CNTNAP2: variants seen among roughly 807,000 people sequenced by gnomAD.
The protein encoded by CNTNAP2 is contactin-associated protein-like 2.
CNTNAP2 carries 98 observed loss-of-function variants against 155.2 expected under a neutral mutation model. The ratio of observed to expected loss-of-function variants is 0.63; its 90% CI spans 0.54 to 0.75. The LOEUF (loss-of-function observed/expected upper bound fraction) is 0.75, where lower values mean the gene tolerates loss of function less well. Ranked by LOEUF, CNTNAP2 falls within the 30% of genes least tolerant of loss-of-function variation. The pLI, the probability that CNTNAP2 is intolerant of heterozygous loss-of-function variation, is 0.00. For synonymous variants in CNTNAP2, 651 were observed against 631.2 expected, an observed-to-expected ratio of 1.03 and a Z score of -0.47; for missense variants, 1,727 against 1,688.1, an observed-to-expected ratio of 1.02 and a Z score of -0.40.
At chr7:146,261,940 T>G (rs958259154) in intron 1 of CNTNAP2, among the ~76,000 whole-genome samples, 4 of 152,164 alleles carry the variant, frequency 2.6e-5, no homozygotes, top group African/African-American at 7.2e-5. Flanking sequence ...AACAAGCACC[T>G]CTGAAAAATT....
chr7:146,793,074 A>G (rs1389036110), intron 2 of CNTNAP2, among the ~76,000 whole-genome samples: 1 of 152,216 alleles, frequency 6.6e-6, no homozygotes, highest in East Asian at 1.9e-4. Context: ...TATGTAATCA[A>G]TATAAAAATT....
chr7:146,867,586 G>GGAAT (rs1054456706), intron 3 of CNTNAP2, among the ~76,000 whole-genome samples: 19 of 152,150 alleles, frequency 1.2e-4, no homozygotes, highest in Admixed American at 9.2e-4. Context: ...AGCTCTTTGA[G>GGAAT]GAATCATCAT....
chr7:146,174,613 G>A (rs772794485), intron 1 of CNTNAP2, among the ~76,000 whole-genome samples: 8 of 151,918 alleles, frequency 5.3e-5, no homozygotes, highest in East Asian at 3.9e-4. Context: ...TGAGGCTGGC[G>A]GATCACCTGA....
chr7:148,375,818 C>T (rs1798974850), intron 21 of CNTNAP2, among the ~76,000 whole-genome samples: 1 of 11,384 alleles, frequency 8.8e-5, no homozygotes, highest in African/African-American at 1.4e-4. Flanking sequence ...GATGGTGAAA[C>T]CCCCTCTCTA....
intron 1 of CNTNAP2, among the ~76,000 whole-genome samples, chr7:146,643,635 C>T (rs576503248): frequency 2.8e-4 from 42 of 152,182 alleles, no homozygotes; most frequent in East Asian, 1.2e-3. Context: ...GTTGACTTGG[C>T]GATGCAGGCT....
At chr7:147,075,136 G>C (rs1799970606) in intron 4 of CNTNAP2, among the ~76,000 whole-genome samples, 1 of 152,120 alleles carries the variant, frequency 6.6e-6, no homozygotes, top group Non-Finnish European at 1.5e-5. Flanking sequence ...ATAGTGAAAA[G>C]ATTGATACAT....
intron 1 of CNTNAP2, among the ~76,000 whole-genome samples, chr7:146,644,032 A>G (rs972770474): frequency 3.9e-5 from 6 of 152,202 alleles, no homozygotes; most frequent in African/African-American, 9.6e-5. Context: ...ACTTTGCTGA[A>G]GTTGCTTATC....
intron 1 of CNTNAP2, among the ~76,000 whole-genome samples, chr7:146,156,943 A>C (rs1798135980): frequency 6.6e-6 from 1 of 152,174 alleles, no homozygotes; most frequent in Admixed American, 6.6e-5. Flanking sequence ...TGAACTTACT[A>C]AGAGTTCATT....
chr7:146,235,001 G>A (rs1799447987), intron 1 of CNTNAP2, among the ~76,000 whole-genome samples: 2 of 152,100 alleles, frequency 1.3e-5, no homozygotes, highest in African/African-American at 4.8e-5. Context: ...AAACACCTGG[G>A]ACAAAGTATG....
chr7:147,030,233 A>G (rs565432253), intron 3 of CNTNAP2, among the ~76,000 whole-genome samples: 32 of 152,176 alleles, frequency 2.1e-4, no homozygotes, highest in Non-Finnish European at 4.4e-4. Context: ...ATTTCCTATG[A>G]AATTTGTTGC....
At chr7:146,968,453 G>A (rs1248935234) in intron 3 of CNTNAP2, among the ~76,000 whole-genome samples, 2 of 151,696 alleles carry the variant, frequency 1.3e-5, no homozygotes, top group Non-Finnish European at 2.9e-5. Context: ...ACTCTTTTTG[G>A]TTGGTAAGCT....
rs1317841647 is a variant in CNTNAP2 at position 146,809,503 on chromosome 7, A to C, written c.209-30208A>C. On this transcript the variant is annotated intron_variant, in intron 2 of 23. Coordinates refer to ENST00000361727, the MANE Select transcript of CNTNAP2 (RefSeq NM_014141.6). ...CAGCCTCCAGGGTAGCTGGGATTAC[A>C]GGCACCCACCACCACATCTGGCTGA... Among the ~76,000 whole-genome samples the C allele has an allele frequency of 3.9e-5, 6 of 152,172 alleles. No homozygotes were observed. In the East Asian group the frequency reaches 1.2e-3, roughly 29 times the overall value.
At chr7:148,140,417 T>G (rs1203147580) in intron 16 of CNTNAP2, among the ~76,000 whole-genome samples, 2 of 149,088 alleles carry the variant, frequency 1.3e-5, no homozygotes, top group Non-Finnish European at 3.0e-5. Context: ...TCTTTTTTCT[T>G]TTTCTTTTTT....
chr7:147,480,767 G>A (rs1189700379), intron 10 of CNTNAP2, among the ~76,000 whole-genome samples: 2 of 152,038 alleles, frequency 1.3e-5, no homozygotes, highest in African/African-American at 4.8e-5. Flanking sequence ...ATTCTCCTTT[G>A]AGCCCCCGCT....
chr7:146,438,157 G>A (rs892672881), intron 1 of CNTNAP2, among the ~76,000 whole-genome samples: 1 of 151,358 alleles, frequency 6.6e-6, no homozygotes, highest in Non-Finnish European at 1.5e-5. Flanking sequence ...TTACTAGCAA[G>A]CCCGGAATGC....
intron 8 of CNTNAP2, among the ~76,000 whole-genome samples, chr7:147,173,532 C>A (rs1212402475): frequency 6.6e-6 from 1 of 152,088 alleles, no homozygotes; most frequent in African/African-American, 2.4e-5. Context: ...GATGTTGCTA[C>A]CAGAAAGAGA....
rs146558901 is a variant in CNTNAP2, at chr7:147,445,531, C to T, written c.1671-40404C>T. ...GTTGTTGTGGACAAAAATAAATGTACTTAGCACTGTTTTGAGGATAAAGGT... is the reference window on the plus strand; with the variant it reads ...GTTGTTGTGGACAAAAATAAATGTATTTAGCACTGTTTTGAGGATAAAGGT... On this transcript the variant is annotated intron_variant, in intron 10 of 23. Transcript: ENST00000361727. 3.2e-4 allele frequency among the ~76,000 whole-genome samples: 49 copies of T among 152,282 alleles called. No homozygotes were observed. In the East Asian group the frequency reaches 8.5e-3, roughly 26 times the overall value.
chr7:148,272,874 G>A (rs937880527), intron 21 of CNTNAP2, among the ~76,000 whole-genome samples: 1 of 152,210 alleles, frequency 6.6e-6, no homozygotes, highest in African/African-American at 2.4e-5. Context: ...GGAAATGTCA[G>A]AAGACCTGGG....
intron 23 of CNTNAP2, among the ~76,000 whole-genome samples, chr7:148,414,304 T>G (rs965249310): frequency 6.6e-6 from 1 of 152,106 alleles, no homozygotes; most frequent in African/African-American, 2.4e-5. Flanking sequence ...GGTCTTAAAC[T>G]CCTGACCTCA....
Sources: allele counts gnomAD v4.1 joint callset (sites outside exome capture counted in the v4.1 genomes callset), GRCh38; gene constraint gnomAD v4.1.1; transcripts MANE v1.5; gene names NCBI Gene and HGNC (gene_info 2026-07-23, HGNC 2026-07-21).